Variants in NOL8 observed in about 807,000 individuals in gnomAD.
NOL8 encodes nucleolar protein Nop132.
A neutral mutation model predicts 116.1 loss-of-function variants in NOL8; 93 were observed. The observed-to-expected ratio is 0.80, with a 90% confidence interval of 0.68 to 0.95. The LOEUF is 0.95. NOL8 is among the 40% of genes least tolerant of loss of function. NOL8 has a pLI of 0.00. For missense variants in NOL8, 1,291 were observed against 1,382.8 expected, an observed-to-expected ratio of 0.93 and a Z score of 1.05; for synonymous variants, 419 against 469.0, an observed-to-expected ratio of 0.89 and a Z score of 1.38.
At position 92,307,006 on chromosome 9, in the gene NOL8, G is replaced by T; in HGVS notation, c.2705C>A (p.Thr902Asn). ...EEQEEVNEKK[T>N]AEEEELAEEK... ...TTCAGCAAGCTCTTCTTCCTCAGCA[G>T]TTTTCTTTTCATTTACCTCTTTGAG... Residue 902 changes from threonine to asparagine, a missense_variant, in exon 11 of 17, where the codon ACT (threonine) becomes AAT (asparagine). Transcript: ENST00000442668. 6.2e-7 allele frequency: 1 copy of T among 1,610,338 alleles called. No individual in the cohort carries two copies.
At chr9:92,310,036 CATTTG>C in intron 10 of NOL8, 130 bp downstream of exon 10, 1 of 632,604 alleles carries the variant, frequency 1.6e-6, no homozygotes. Context: ...ATTAACTGTA[CATTTG>C]ATTATAAACT....
rs751944807 is a variant in NOL8 at position 92,301,630 on chromosome 9, T to G, written c.3096A>C (p.Ala1032=). 69 of 1,605,034 alleles carry G rather than the reference T, an allele frequency of 4.3e-5. No individual in the cohort carries two copies. The Middle Eastern group carries it at 6.7e-4, about 16-fold the overall frequency. The change falls in exon 13 of 17, where the codon GCA becomes GCC. Residue 1032 remains alanine, a synonymous_variant. Coordinates refer to ENST00000442668, the MANE Select transcript of NOL8 (RefSeq NM_017948.6). ...GCTGCTCAGCGTCACTGGTCAGAGCTGCAGGGTCCTGGATTTCCTCAGGTT... is the reference window on the plus strand; with the variant it reads ...GCTGCTCAGCGTCACTGGTCAGAGCGGCAGGGTCCTGGATTTCCTCAGGTT... ...KEKPEEIQDP[A]ALTSDAEQPS...
In NOL8 at chr9:92,314,547, A is replaced by C. The variant is rs1839179336; in HGVS notation, c.2078T>G (p.Phe693Cys). ...GGTACTATGGCAGCTGTCTTTGTCA[A>C]AGCCTATGTTGTGAGTCTTTGCACT... ...SLSAKTHNIG[F>C]DKDSCHSTTK... The change falls in exon 7 of 17, where the codon TTT becomes TGT. Residue 693 changes from phenylalanine (F) to cysteine (C), a missense_variant. Coordinates refer to ENST00000442668, the MANE Select transcript of NOL8 (RefSeq NM_017948.6). The C allele has an allele frequency of 4.3e-6, 7 of 1,613,544 alleles. No individual in the cohort carries two copies. The highest frequency in any genetic ancestry group is 5.9e-6 in the Non-Finnish European group (7 of 1,179,692).
In NOL8 at chr9:92,314,405, AAGTG is replaced by A; in HGVS notation, c.2216_2219del (p.Ser739PhefsTer9). 6.2e-7 allele frequency: 1 copy of A among 1,613,618 alleles called. No individual in the cohort carries two copies. Among genetic ancestry groups the A allele is most frequent in the South Asian group, 1.1e-5 (1 of 91,082 alleles). ...TCACATCTGACGAATTACTAATAGA[AAGTG>A]AGAAATCAGTTTTGATTTCCCGAGT... is the stretch of plus-strand genomic sequence containing the variant. On this transcript the variant is annotated frameshift_variant, in exon 7 of 17. Coordinates refer to ENST00000442668, the MANE Select transcript of NOL8 (RefSeq NM_017948.6). LOFTEE classifies it high-confidence loss of function.
chr9:92,319,851 A>C (rs1839772182), intron 4 of NOL8: 1 of 356,844 alleles, frequency 2.8e-6, no homozygotes, highest in African/African-American at 2.1e-5. Context: ...CTGTGCTGTC[A>C]GGGCTGTCCC....
intron 8 of NOL8, 84 bp downstream of exon 8, chr9:92,311,062 G>T (rs1838734136): frequency 1.8e-6 from 2 of 1,107,514 alleles, no homozygotes; most frequent in Non-Finnish European, 1.3e-6. Context: ...TCTCAGGAGG[G>T]TTTTATGTTG....
At chr9:92,299,009 C>T (rs981286753) in intron 14 of NOL8, 55 bp from the exon 15 acceptor site, 13 of 878,470 alleles carry the variant, frequency 1.5e-5, no homozygotes, top group Non-Finnish European at 2.2e-5. Flanking sequence ...GGTTTAATTT[C>T]AATATTTAAG....
At chr9:92,323,663 TA>T (rs1840129370) in intron 2 of NOL8, among the ~76,000 whole-genome samples, 160 bp from the exon 3 acceptor site, 1 of 151,530 alleles carries the variant, frequency 6.6e-6, no homozygotes. Flanking sequence ...AAAATAAGCA[TA>T]ATTATCAAAA....
At chr9:92,306,777 G>C in intron 11 of NOL8, 109 bp downstream of exon 11, 1 of 973,634 alleles carries the variant, frequency 1.0e-6, no homozygotes, top group South Asian at 1.8e-5. Flanking sequence ...GATACATATT[G>C]CCAGCTGCCT....
intron 9 of NOL8, 67 bp from the exon 10 acceptor site, chr9:92,310,328 G>A: frequency 7.3e-7 from 1 of 1,375,254 alleles, no homozygotes; most frequent in Non-Finnish European, 1.0e-6. Context: ...GACGAAGACT[G>A]TCAATGTACA....
rs375023898 is a variant in NOL8 at position 92,315,057 on chromosome 9, G to A, written c.1568C>T (p.Ser523Phe). The change falls in exon 7 of 17, where the codon TCC (serine) becomes TTC (phenylalanine). Residue 523 changes from serine to phenylalanine, a missense_variant. Transcript: ENST00000442668. ...GCCAGTGGGAGTCTTGGGGCTCTTG[G>A]AGCCTCTGTCAAACTTGCATTGGGT... ...TTTQCKFDRGSKSPKTPTGLR... is the reference protein window; with the variant it reads ...TTTQCKFDRGFKSPKTPTGLR... 12 of 1,613,932 alleles carry A rather than the reference G, an allele frequency of 7.4e-6. No homozygotes were observed. In the South Asian group the frequency reaches 1.1e-4, roughly 15 times the overall value.
chr9:92,301,646 T>G lies in NOL8; in HGVS notation c.3080A>C (p.Glu1027Ala). ...GGTCAGAGCTGCAGGGTCCTGGATT[T>G]CCTCAGGTTTCTCTTTACCACAGTC... The part of the protein sequence containing the change: ...NEDCGKEKPE[E>A]IQDPAALTSD... Residue 1027 changes from glutamate to alanine, a missense_variant, in exon 13 of 17, where the codon GAA becomes GCA. Physicochemically the swap from Glu to Ala is moderately radical, Grantham distance 107. Coordinates refer to ENST00000442668, the MANE Select transcript of NOL8 (RefSeq NM_017948.6). The G allele has an allele frequency of 6.2e-7, 1 of 1,601,924 alleles. No individual in the cohort carries two copies. Among genetic ancestry groups the G allele is most frequent in the Non-Finnish European group, 8.5e-7 (1 of 1,176,870 alleles).
chr9:92,297,791 A>G lies in NOL8; in HGVS notation c.*45T>C. ...AACTGTTTTCTGGGTCAGTTTCCTT[A>G]GGTGAGCCTTGTTCACATTCAGTAT... On this transcript the variant is annotated 3_prime_UTR_variant, in exon 17 of 17. Transcript: ENST00000442668. The G allele has an allele frequency of 7.1e-7, 1 of 1,415,676 alleles. No individual in the cohort carries two copies. The highest frequency in any genetic ancestry group is 9.6e-7 in the Non-Finnish European group (1 of 1,044,990). 87.7% of individuals were successfully genotyped at this position (1,415,676 alleles called of 1,614,324 possible). A position where few individuals can be genotyped will look rare whatever the true frequency, so the allele number is the denominator to read the frequency against.
rs765022793 is a variant in NOL8, at chr9:92,314,823, T to C, written c.1802A>G (p.Asn601Ser). 6.2e-7 allele frequency: 1 copy of C among 1,613,482 alleles called. No individual in the cohort carries two copies. The highest frequency in any genetic ancestry group is 8.5e-7 in the Non-Finnish European group (1 of 1,179,708). ...DSVASNNKDQ[N>S]SMKHEDPSII... ...ACTGGGATCCTCATGTTTCATGGAA[T>C]TCTGATCTTTATTGTTAGAGGCAAC... is the stretch of plus-strand genomic sequence containing the variant. Residue 601 changes from asparagine (N) to serine (S), a missense_variant, in exon 7 of 17, where the codon AAT (asparagine) becomes AGT (serine). Coordinates refer to ENST00000442668, the MANE Select transcript of NOL8 (RefSeq NM_017948.6).
chr9:92,314,820 G>A lies in NOL8; in HGVS notation c.1805C>T (p.Ser602Phe). ...SVASNNKDQN[S>F]MKHEDPSIIS... is the part of the protein sequence containing the mutation. ...GATACTGGGATCCTCATGTTTCATG[G>A]AATTCTGATCTTTATTGTTAGAGGC... is the stretch of plus-strand genomic sequence containing the variant. The change falls in exon 7 of 17, where the codon TCC becomes TTC. Residue 602 changes from serine (S) to phenylalanine (F), a missense_variant. By Grantham distance (155) the Ser-to-Phe change is radical. Transcript: ENST00000442668. 6.2e-7 allele frequency: 1 copy of A among 1,613,320 alleles called. No individual in the cohort carries two copies. Among genetic ancestry groups the A allele is most frequent in the Middle Eastern group, 1.6e-4 (1 of 6,062 alleles).
At chr9:92,305,703 A>G (rs770294853) in intron 12 of NOL8, 50 bp downstream of exon 12, 10 of 1,281,456 alleles carry the variant, frequency 7.8e-6, no homozygotes, top group South Asian at 2.4e-5. Context: ...ATTGTCTGAA[A>G]TGAGATTAAT....
At chr9:92,313,588 T>C (rs954923179) in intron 7 of NOL8, among the ~76,000 whole-genome samples, 4 of 152,246 alleles carry the variant, frequency 2.6e-5, no homozygotes, top group Non-Finnish European at 5.9e-5. Flanking sequence ...GCCTCATTTC[T>C]TGCCATCTCA....
intron 4 of NOL8, among the ~76,000 whole-genome samples, 181 bp downstream of exon 4, chr9:92,321,487 A>G (rs1335314987): frequency 6.6e-6 from 1 of 152,226 alleles, no homozygotes; most frequent in African/African-American, 2.4e-5. Context: ...AATGCATGAA[A>G]TTATCCTTTT....
chr9:92,302,187 G>A (rs200353325), intron 12 of NOL8, among the ~76,000 whole-genome samples: 1 of 152,130 alleles, frequency 6.6e-6, no homozygotes, highest in East Asian at 1.9e-4. Flanking sequence ...AATGAAAACT[G>A]TAAGCCACAT....
Sources: allele counts gnomAD v4.1 joint callset (sites outside exome capture counted in the v4.1 genomes callset), GRCh38; gene constraint gnomAD v4.1.1; transcripts MANE v1.5; gene names NCBI Gene and HGNC (gene_info 2026-07-23, HGNC 2026-07-21).